Variants in NOX4 observed in about 807,000 individuals in gnomAD.
NOX4 encodes the protein kidney oxidase-1.
A neutral mutation model predicts 87.6 loss-of-function variants in NOX4; 69 were observed. The ratio of observed to expected loss-of-function variants is 0.79; its 90% CI spans 0.65 to 0.96. The LOEUF is 0.96. Among genes scored for constraint, NOX4 ranks in the 40% least tolerant of loss-of-function variants. The pLI, the probability that NOX4 is intolerant of heterozygous loss-of-function variation, is 0.00. For synonymous variants in NOX4, 275 were observed against 238.2 expected, an observed-to-expected ratio of 1.15 and a Z score of -1.42; for missense variants, 680 against 681.5, an observed-to-expected ratio of 1.00 and a Z score of 0.02.
At chr11:89,473,173 C>T (rs1454718058) in intron 2 of NOX4, among the ~76,000 whole-genome samples, 1 of 152,086 alleles carries the variant, frequency 6.6e-6, no homozygotes, top group Non-Finnish European at 1.5e-5. Flanking sequence ...TTACATTTTC[C>T]TCCCTCTACA....
intron 11 of NOX4, among the ~76,000 whole-genome samples, chr11:89,390,848 C>A (rs1007646308): frequency 6.6e-6 from 1 of 152,248 alleles, no homozygotes; most frequent in Admixed American, 6.5e-5. Context: ...GAAATAAGCA[C>A]CATGATCTCA....
chr11:89,404,116 T>G lies in NOX4; in HGVS notation c.630-1574A>C, dbSNP rs538519049. Among the ~76,000 whole-genome samples the G allele has an allele frequency of 1.4e-4, 21 of 152,276 alleles. No individual in the cohort carries two copies. In the East Asian group the frequency reaches 3.5e-3, roughly 25 times the overall value. ...ATAAATTGATAAATATTATACAAAA[T>G]TGAGCCAAATTTTTGTCACTAATCA... On this transcript the variant is annotated intron_variant, in intron 8 of 17. Transcript: ENST00000263317.
chr11:89,359,232 T>C (rs1402189200), intron 12 of NOX4, among the ~76,000 whole-genome samples: 4 of 152,152 alleles, frequency 2.6e-5, no homozygotes, highest in Admixed American at 1.3e-4. Flanking sequence ...CCTCTTTCAA[T>C]TTCTAATTGA....
chr11:89,540,339 A>G, the NOX4 span, among the ~76,000 whole-genome samples: 1 of 152,108 alleles, frequency 6.6e-6, no homozygotes, highest in South Asian at 2.1e-4. Flanking sequence ...CCTCCGAGTC[A>G]TTCTTCCATT....
At chr11:89,533,508 T>G in the NOX4 span, 1 of 151,650 alleles carries the variant, frequency 6.6e-6, no homozygotes, top group South Asian at 2.1e-4. Flanking sequence ...CAGAAGAAAT[T>G]ACTTGTGCCA....
At chr11:89,441,758 G>C (rs1944464914) in intron 5 of NOX4, among the ~76,000 whole-genome samples, 1 of 151,918 alleles carries the variant, frequency 6.6e-6, no homozygotes, top group Non-Finnish European at 1.5e-5. Context: ...AATGAAACAT[G>C]AGAGTGAGAG....
chr11:89,480,581 C>G (rs1320700173), intron 2 of NOX4, among the ~76,000 whole-genome samples: 2 of 152,110 alleles, frequency 1.3e-5, no homozygotes, highest in African/African-American at 4.8e-5. Flanking sequence ...GACATTTTTA[C>G]AGCTCCTATT....
At chr11:89,516,953 T>C in the NOX4 span, among the ~76,000 whole-genome samples, 186 of 151,532 alleles carry the variant, frequency 1.2e-3, no homozygotes, top group African/African-American at 3.8e-3. Context: ...ATGGCAGTGA[T>C]GGCTGCAGTT....
chr11:89,587,941 C>A, the NOX4 span, among the ~76,000 whole-genome samples: 1 of 152,028 alleles, frequency 6.6e-6, no homozygotes, highest in South Asian at 2.1e-4. Context: ...TTTATGTTTT[C>A]TCATTGCAAC....
intron 11 of NOX4, among the ~76,000 whole-genome samples, chr11:89,387,097 C>T (rs1474394805): frequency 6.6e-6 from 1 of 151,930 alleles, no homozygotes; most frequent in African/African-American, 2.4e-5. Flanking sequence ...GAAACATCGC[C>T]GATTATCTCT....
At chr11:89,569,222 A>G in the NOX4 span, among the ~76,000 whole-genome samples, 1 of 152,142 alleles carries the variant, frequency 6.6e-6, no homozygotes, top group Non-Finnish European at 1.5e-5. Flanking sequence ...GGATCTAATT[A>G]AAGAATTTAT....
intron 11 of NOX4, among the ~76,000 whole-genome samples, chr11:89,375,387 C>T (rs572051726): frequency 2.2e-4 from 34 of 152,240 alleles, no homozygotes; most frequent in Middle Eastern, 6.8e-3. Flanking sequence ...CTCAATGCAA[C>T]CTCTGCCTCC....
chr11:89,477,350 C>G (rs140357151), intron 2 of NOX4, among the ~76,000 whole-genome samples: 138 of 152,136 alleles, frequency 9.1e-4, no homozygotes, highest in African/African-American at 3.2e-3. Flanking sequence ...AATGCTGCAG[C>G]TGATCTGACA....
intron 2 of NOX4, among the ~76,000 whole-genome samples, chr11:89,466,465 A>T (rs1212848268): frequency 1.3e-5 from 2 of 152,242 alleles, no homozygotes. Context: ...AAATGCAGGC[A>T]GTATATAGAG....
chr11:89,350,903 A>G (rs563440994), intron 13 of NOX4, among the ~76,000 whole-genome samples: 24 of 152,276 alleles, frequency 1.6e-4, no homozygotes, highest in Non-Finnish European at 2.2e-4. Context: ...GCCAATTAAC[A>G]ACTCTAAAAT....
the NOX4 span, chr11:89,577,613 T>C: frequency 6.6e-6 from 1 of 152,214 alleles, no homozygotes; most frequent in South Asian, 2.1e-4. Context: ...TTTATATAGC[T>C]AGTTAATCAC....
intron 8 of NOX4, among the ~76,000 whole-genome samples, chr11:89,421,212 G>A (rs764132094): frequency 1.5e-4 from 23 of 152,100 alleles, no homozygotes; most frequent in Non-Finnish European, 1.9e-4. Context: ...TGAATGTCAC[G>A]CCAAAGCCAT....
At chr11:89,445,234 T>C (rs971736948) in intron 4 of NOX4, among the ~76,000 whole-genome samples, 2 of 152,054 alleles carry the variant, frequency 1.3e-5, no homozygotes, top group African/African-American at 4.8e-5. Flanking sequence ...TCACAATATG[T>C]GTAGTGCAAT....
the NOX4 span, among the ~76,000 whole-genome samples, chr11:89,540,553 C>T: frequency 3.3e-5 from 5 of 151,580 alleles, no homozygotes; most frequent in Admixed American, 2.0e-4. Flanking sequence ...TTTGGGAGAC[C>T]GAGATGGGTG....
Sources: allele counts gnomAD v4.1 joint callset (sites outside exome capture counted in the v4.1 genomes callset), GRCh38; gene constraint gnomAD v4.1.1; transcripts MANE v1.5; gene names NCBI Gene and HGNC (gene_info 2026-07-23, HGNC 2026-07-21).